The following CDH23 variants were observed in gnomAD, a reference collection of about 807,000 sequenced individuals.
CDH23 encodes cadherin related 23, also known as cadherin-23.
Under a neutral mutation model 317.1 loss-of-function variants are expected in CDH23, and 189 were observed. That is an observed-to-expected ratio of 0.60 (90% CI 0.53 to 0.67). CDH23 has a LOEUF of 0.67. Among genes scored for constraint, CDH23 ranks in the 30% least tolerant of loss-of-function variants. The pLI is 0.00. For missense variants in CDH23, 4,401 were observed against 4,592.4 expected, an observed-to-expected ratio of 0.96 and a Z score of 1.20; for synonymous variants, 1,839 against 1,876.8, an observed-to-expected ratio of 0.98 and a Z score of 0.52.
Position 71,788,238 on chromosome 10 carries a change from C to G in CDH23, c.5821-702C>G, listed in dbSNP as rs573085588. ...AATTTTTTTGTATTTTAAGTAGAGA[C>G]AGGGTTTCACCATATTGGCCAGGCT... On this transcript the variant is annotated intron_variant, in intron 44 of 69. Transcript: ENST00000224721. 1.6e-4 allele frequency among the ~76,000 whole-genome samples: 24 copies of G among 152,026 alleles called. No homozygotes were observed. The South Asian group carries it at 5.0e-3, about 32-fold the overall frequency.
chr10:71,447,461 T>A (rs1589321243), intron 3 of CDH23, among the ~76,000 whole-genome samples: 1 of 151,560 alleles, frequency 6.6e-6, no homozygotes, highest in Non-Finnish European at 1.5e-5. Flanking sequence ...CTGGTGGAGG[T>A]TTTTTTTCAG....
intron 11 of CDH23, among the ~76,000 whole-genome samples, chr10:71,623,553 G>C (rs529690826): frequency 6.6e-6 from 1 of 152,332 alleles, no homozygotes; most frequent in African/African-American, 2.4e-5. Context: ...TTCTCAAGGA[G>C]CCCTCTGATG....
intron 55 of CDH23, among the ~76,000 whole-genome samples, chr10:71,803,659 G>A (rs965885890): frequency 1.3e-5 from 2 of 152,136 alleles, no homozygotes; most frequent in Middle Eastern, 3.4e-3. Context: ...GTTACTATAT[G>A]GGCTGTGCTA....
Position 71,799,476 on chromosome 10 carries a change from G to T in CDH23, c.7225-16G>T. On this transcript the variant is annotated splice_polypyrimidine_tract_variant and intron_variant, in intron 51 of 69. Coordinates refer to ENST00000224721, the MANE Select transcript of CDH23 (RefSeq NM_022124.6). ...TGACCTTGGCCTACTCTCTCTCCCT[G>T]CCCCCTGGGCTCCAGGAGGCTGTCT... 6.2e-7 allele frequency: 1 copy of T among 1,613,888 alleles called. No individual in the cohort carries two copies. Among genetic ancestry groups the T allele is most frequent in the South Asian group, 1.1e-5 (1 of 91,060 alleles).
At chr10:71,663,418 C>G (rs899420614) in intron 14 of CDH23, among the ~76,000 whole-genome samples, 3 of 152,218 alleles carry the variant, frequency 2.0e-5, no homozygotes, top group Non-Finnish European at 4.4e-5. Context: ...AAGGCCCCAC[C>G]TCTTCTTCCA....
chr10:71,493,373 A>T (rs1852774158), intron 3 of CDH23, among the ~76,000 whole-genome samples: 1 of 152,012 alleles, frequency 6.6e-6, no homozygotes, highest in South Asian at 2.1e-4. Context: ...CTCCACACTC[A>T]TGCATCCCCC....
chr10:71,731,827 C>T (rs946965218), intron 31 of CDH23, among the ~76,000 whole-genome samples, 160 bp from the exon 32 acceptor site: 1 of 152,200 alleles, frequency 6.6e-6, no homozygotes, highest in Non-Finnish European at 1.5e-5. Flanking sequence ...GACCTTAACA[C>T]ATCCTCTGCT....
rs780097768 is a variant in CDH23 at position 71,784,395 on chromosome 10, G to C, written c.5477G>C (p.Arg1826Pro). ...FYNLTICARDRGMPPLSSTML... is the reference protein window; with the variant it reads ...FYNLTICARDPGMPPLSSTML... ...AACCTGACCATCTGTGCCCGTGACC[G>C]GGGGATGCCCCCACTCAGCTCCACA... The change falls in exon 42 of 70, where the codon CGG (arginine) becomes CCG (proline). Residue 1826 changes from arginine to proline, a missense_variant. Around this residue, in one of 3 missense-constraint regions of CDH23, gnomAD observed 3,068 missense variants for 3,203.3 expected, o/e 0.96. Coordinates refer to ENST00000224721, the MANE Select transcript of CDH23 (RefSeq NM_022124.6). The C allele has an allele frequency of 1.2e-5, 19 of 1,613,404 alleles. No homozygotes were observed. The highest frequency in any genetic ancestry group is 1.6e-5 in the Non-Finnish European group (19 of 1,179,616).
chr10:71,621,916 G>A (rs1223232291), intron 11 of CDH23, among the ~76,000 whole-genome samples: 1 of 152,028 alleles, frequency 6.6e-6, no homozygotes, highest in African/African-American at 2.4e-5. Flanking sequence ...AAAACCCACA[G>A]ACACCAGGGA....
At chr10:71,645,146 C>T (rs182275013) in intron 12 of CDH23, among the ~76,000 whole-genome samples, 1 of 152,308 alleles carries the variant, frequency 6.6e-6, no homozygotes, top group East Asian at 1.9e-4. Context: ...GTGAGGCACC[C>T]ACCTCCCTGA....
intron 38 of CDH23, among the ~76,000 whole-genome samples, chr10:71,744,208 A>G (rs534206439): frequency 3.3e-5 from 5 of 152,210 alleles, no homozygotes; most frequent in African/African-American, 1.2e-4. Context: ...AGAAGTGGAG[A>G]ATGGATTTGG....
intron 9 of CDH23, among the ~76,000 whole-genome samples, chr10:71,587,390 G>A (rs1029600812): frequency 9.2e-5 from 14 of 152,186 alleles, no homozygotes; most frequent in Admixed American, 9.2e-4. Context: ...TTATTGAGTG[G>A]CTACTGTGTG....
chr10:71,802,875 G>A (rs1228566691), intron 53 of CDH23, 23 bp from the exon 54 acceptor site: 9 of 1,613,464 alleles, frequency 5.6e-6, no homozygotes, highest in Non-Finnish European at 7.6e-6. Flanking sequence ...CCTTACCTTT[G>A]GCCTTGACCT....
intron 5 of CDH23, 47 bp from the exon 6 acceptor site, chr10:71,511,073 G>C (rs1487724710): frequency 6.2e-7 from 1 of 1,612,524 alleles, no homozygotes. Context: ...GGGTGGAAGA[G>C]GCCAGAGTCA....
At chr10:71,787,410 T>C (rs1295864925) in intron 44 of CDH23, among the ~76,000 whole-genome samples, 1 of 151,864 alleles carries the variant, frequency 6.6e-6, no homozygotes, top group Non-Finnish European at 1.5e-5. Context: ...ACTGGGCTTT[T>C]AGTGTACCCA....
At chr10:71,724,000 G>GC (rs1046203441) in intron 28 of CDH23, 45 bp from the exon 29 acceptor site, 2 of 1,548,638 alleles carry the variant, frequency 1.3e-6, no homozygotes, top group Non-Finnish European at 8.7e-7. Flanking sequence ...TTCTCTCCCT[G>GC]CTGGGTGGCA....
At chr10:71,424,350 T>C (rs1848950548) in intron 1 of CDH23, among the ~76,000 whole-genome samples, 1 of 152,224 alleles carries the variant, frequency 6.6e-6, no homozygotes, top group Admixed American at 6.5e-5. Context: ...TGCCCCTTGC[T>C]CCTTTTAGAA....
chr10:71,700,825 T>C (rs1865555374), intron 22 of CDH23, among the ~76,000 whole-genome samples: 1 of 152,150 alleles, frequency 6.6e-6, no homozygotes, highest in South Asian at 2.1e-4. Flanking sequence ...ATGGGAGTTC[T>C]CAGCCAGGGC....
intron 11 of CDH23, among the ~76,000 whole-genome samples, chr10:71,630,772 C>T (rs1861970032): frequency 6.6e-6 from 1 of 152,190 alleles, no homozygotes; most frequent in South Asian, 2.1e-4. Context: ...TTAGTAATCT[C>T]TGTGGTGTCA....
Sources: allele counts gnomAD v4.1 joint callset (sites outside exome capture counted in the v4.1 genomes callset), GRCh38; gene constraint gnomAD v4.1.1; regional missense constraint gnomAD v4.1.1; transcripts MANE v1.5; gene names NCBI Gene and HGNC (gene_info 2026-07-23, HGNC 2026-07-21).